The following ASTN2 variants were observed in gnomAD, a reference collection of about 807,000 sequenced individuals.
ASTN2 encodes the protein astrotactin 2, also known as astrotactin-2.
In ASTN2, 54 loss-of-function variants were observed where a neutral mutation model predicts 139.8. That is an observed-to-expected ratio of 0.39 (90% CI 0.31 to 0.48). The LOEUF (loss-of-function observed/expected upper bound fraction) is 0.48, where lower values mean the gene tolerates loss of function less well. Ranked by LOEUF, ASTN2 falls within the 20% of genes least tolerant of loss-of-function variation. The pLI is 0.95. For missense variants in ASTN2, 1,565 were observed against 1,725.1 expected, an observed-to-expected ratio of 0.91 and a Z score of 1.64; for synonymous variants, 756 against 719.5, an observed-to-expected ratio of 1.05 and a Z score of -0.81.
intron 10 of ASTN2, among the ~76,000 whole-genome samples, chr9:116,930,977 C>A (rs1315733109): frequency 2.0e-5 from 3 of 151,720 alleles, no homozygotes; most frequent in African/African-American, 7.3e-5. Context: ...GGGTTACTGA[C>A]CCCAATCTAA....
At chr9:117,410,978 C>T (rs188119185) in intron 1 of ASTN2, among the ~76,000 whole-genome samples, 1 of 152,278 alleles carries the variant, frequency 6.6e-6, no homozygotes. Context: ...ATTGTTATCC[C>T]TCTCTATTCA....
intron 2 of ASTN2, among the ~76,000 whole-genome samples, chr9:117,280,914 G>A (rs971891019): frequency 3.0e-4 from 46 of 152,232 alleles, no homozygotes; most frequent in African/African-American, 8.4e-4. Context: ...GATCTTGTCA[G>A]TAGTAATTAT....
At chr9:117,004,285 A>G (rs1181537482) in intron 7 of ASTN2, among the ~76,000 whole-genome samples, 1 of 151,918 alleles carries the variant, frequency 6.6e-6, no homozygotes, top group East Asian at 1.9e-4. Flanking sequence ...ATGCCTGGCT[A>G]ATTTTCGTAT....
chr9:116,812,235 G>A (rs62575389), intron 12 of ASTN2, among the ~76,000 whole-genome samples: 11,147 of 152,208 alleles, frequency 0.073, 532 homozygotes, highest in East Asian at 0.19. Context: ...TCCTAATCCC[G>A]AACACCTGAG....
At chr9:116,771,929 CA>C (rs1829962488) in intron 13 of ASTN2, among the ~76,000 whole-genome samples, 1 of 152,216 alleles carries the variant, frequency 6.6e-6, no homozygotes, top group African/African-American at 2.4e-5. Flanking sequence ...ACATCAGTGC[CA>C]ACATTCCACT....
At chr9:116,915,401 T>C (rs1446740069) in intron 10 of ASTN2, among the ~76,000 whole-genome samples, 1 of 152,124 alleles carries the variant, frequency 6.6e-6, no homozygotes, top group African/African-American at 2.4e-5. Flanking sequence ...GTTCCTGACA[T>C]AGAGCTCCCA....
chr9:116,992,171 A>C (rs1836878233), intron 7 of ASTN2, among the ~76,000 whole-genome samples: 1 of 152,122 alleles, frequency 6.6e-6, no homozygotes, highest in African/African-American at 2.4e-5. Context: ...ATATGTTCTC[A>C]AGAGGAAGAA....
intron 19 of ASTN2, among the ~76,000 whole-genome samples, chr9:116,534,486 C>T (rs772157398): frequency 6.6e-6 from 1 of 152,154 alleles, no homozygotes; most frequent in African/African-American, 2.4e-5. Context: ...CCTGCTTTCT[C>T]TTGTGGGCAT....
intron 19 of ASTN2, among the ~76,000 whole-genome samples, chr9:116,553,637 T>C (rs1852455634): frequency 6.6e-6 from 1 of 152,208 alleles, no homozygotes; most frequent in Admixed American, 6.5e-5. Flanking sequence ...GTCGAACTTT[T>C]ACCTTCCTAG....
chr9:117,411,980 C>T (rs906288280), intron 1 of ASTN2, among the ~76,000 whole-genome samples: 4 of 118,152 alleles, frequency 3.4e-5, no homozygotes, highest in Non-Finnish European at 5.4e-5. Context: ...CCCAACCCCA[C>T]CCCTACCACC....
intron 20 of ASTN2, among the ~76,000 whole-genome samples, chr9:116,442,902 G>T (rs1210337495): frequency 6.6e-6 from 1 of 151,908 alleles, no homozygotes; most frequent in Non-Finnish European, 1.5e-5. Flanking sequence ...CTTTATGGCT[G>T]GATATATCCA....
chr9:116,899,818 T>C (rs1051744206), intron 10 of ASTN2, among the ~76,000 whole-genome samples: 1 of 152,160 alleles, frequency 6.6e-6, no homozygotes, highest in African/African-American at 2.4e-5. Context: ...CAACTGCTCC[T>C]GCATATAACA....
At chr9:117,071,323 G>A (rs1387469868) in intron 5 of ASTN2, among the ~76,000 whole-genome samples, 18 of 151,918 alleles carry the variant, frequency 1.2e-4, no homozygotes, top group African/African-American at 3.6e-4. Flanking sequence ...TAGGCTGCTC[G>A]GGGGTCAGGG....
intron 10 of ASTN2, among the ~76,000 whole-genome samples, chr9:116,941,540 T>C (rs1443725744): frequency 1.3e-5 from 2 of 149,084 alleles, no homozygotes; most frequent in African/African-American, 5.0e-5. Flanking sequence ...AGTGATTGGA[T>C]GAGACTCCCT....
chr9:117,083,761 C>T (rs1244596484), intron 5 of ASTN2, among the ~76,000 whole-genome samples: 2 of 152,148 alleles, frequency 1.3e-5, no homozygotes, highest in African/African-American at 4.8e-5. Context: ...ACTAAAATGA[C>T]ATGTTTGCTT....
intron 1 of ASTN2, among the ~76,000 whole-genome samples, chr9:117,381,151 T>C (rs765125944): frequency 6.6e-6 from 1 of 152,196 alleles, no homozygotes; most frequent in African/African-American, 2.4e-5. Flanking sequence ...CCACATATTG[T>C]ATGATTTCAC....
At chr9:116,551,042 T>C (rs2119402621) in intron 19 of ASTN2, 1 of 152,328 alleles carries the variant, frequency 6.6e-6, no homozygotes, top group African/African-American at 2.4e-5. Flanking sequence ...TGGGAGACCC[T>C]TGGTGAAAAC....
chr9:116,471,311 C>G (rs919744644), intron 20 of ASTN2, among the ~76,000 whole-genome samples: 1 of 152,186 alleles, frequency 6.6e-6, no homozygotes, highest in African/African-American at 2.4e-5. Flanking sequence ...CACAACCTCT[C>G]CACAAGCGAG....
chr9:117,017,169 C>G (rs1837738480), intron 6 of ASTN2, among the ~76,000 whole-genome samples: 2 of 152,018 alleles, frequency 1.3e-5, no homozygotes, highest in African/African-American at 2.4e-5. Flanking sequence ...GACATGTTTT[C>G]TCATTTTTCT....
Sources: allele counts gnomAD v4.1 joint callset (sites outside exome capture counted in the v4.1 genomes callset), GRCh38; gene constraint gnomAD v4.1.1; transcripts MANE v1.5; gene names NCBI Gene and HGNC (gene_info 2026-07-23, HGNC 2026-07-21).